The following VPS39 variants were observed in gnomAD, a reference collection of about 807,000 sequenced individuals.
VPS39 encodes vam6/Vps39-like protein.
VPS39 carries 70 observed loss-of-function variants against 121.0 expected under a neutral mutation model. The ratio of observed to expected loss-of-function variants is 0.58; its 90% CI spans 0.48 to 0.71. VPS39 has a LOEUF of 0.71. VPS39 is among the 30% of genes least tolerant of loss of function. The pLI, the probability that VPS39 is intolerant of heterozygous loss-of-function variation, is 0.00. For missense variants in VPS39, 818 were observed against 1,051.5 expected (o/e 0.78, Z 3.07); for synonymous variants, 378 against 398.1 (o/e 0.95, Z 0.60).
At chr15:42,183,022 C>T (rs927187237) in intron 8 of VPS39, among the ~76,000 whole-genome samples, 7 of 152,176 alleles carry the variant, frequency 4.6e-5, no homozygotes, top group Admixed American at 3.3e-4. Context: ...TTTTAAAATA[C>T]TGACCTTTTG....
rs779326920 is a variant in VPS39, at chr15:42,164,345, G to A, written c.2026+13C>T. ...TCGCTGAAGTGGCTTCTGGCCCTAA[G>A]CCAGACACTCACCATCAAAGGGAAA... is the stretch of plus-strand genomic sequence containing the variant. On this transcript the variant is annotated intron_variant, in intron 19 of 24. Coordinates refer to ENST00000318006, the MANE Select transcript of VPS39 (RefSeq NM_015289.5). 1.2e-6 allele frequency: 2 copies of A among 1,613,984 alleles called. No individual in the cohort carries two copies. Among genetic ancestry groups the A allele is most frequent in the South Asian group, 2.2e-5 (2 of 91,072 alleles).
At chr15:42,205,653 C>T (rs1595691794) in intron 1 of VPS39, among the ~76,000 whole-genome samples, 1 of 152,224 alleles carries the variant, frequency 6.6e-6, no homozygotes, top group African/African-American at 2.4e-5. Flanking sequence ...GATGTGATAC[C>T]ATGAGAGGGT....
rs2049145815 is a variant in VPS39, at chr15:42,162,337, T to C, written c.2320A>G (p.Thr774Ala). 1 of 1,610,668 alleles carries C rather than the reference T, an allele frequency of 6.2e-7. No homozygotes were observed. The highest frequency in any genetic ancestry group is 8.5e-7 in the Non-Finnish European group (1 of 1,177,914). Residue 774 changes from threonine (T) to alanine (A), a missense_variant, in exon 22 of 25, where the codon ACC (threonine) becomes GCC (alanine). Coordinates refer to ENST00000318006, the MANE Select transcript of VPS39 (RefSeq NM_015289.5). ...LELHHSKLDT[T>A]KALNLLPANT... is the part of the protein sequence containing the mutation. ...CCCTAGGAACAACTCCTGACCTTGG[T>C]GGTGTCCAGTTTGCTGTGGTGTAGC... is the stretch of plus-strand genomic sequence containing the variant.
chr15:42,187,697 C>A (rs1484468518), intron 6 of VPS39, 61 bp downstream of exon 6: 2 of 1,496,428 alleles, frequency 1.3e-6, no homozygotes, highest in African/African-American at 1.4e-5. Flanking sequence ...CTGAACTTCA[C>A]TAGAACCGAG....
intron 11 of VPS39, 57 bp downstream of exon 11, chr15:42,173,666 C>A: frequency 6.3e-7 from 1 of 1,583,722 alleles, no homozygotes; most frequent in Non-Finnish European, 8.6e-7. Flanking sequence ...TCTCCCCATA[C>A]TTTTCAGGCT....
chr15:42,177,152 G>C (rs2140856694), intron 10 of VPS39, among the ~76,000 whole-genome samples: 1 of 111,094 alleles, frequency 9.0e-6, no homozygotes, highest in African/African-American at 3.7e-5. Context: ...GACAGAGTGA[G>C]ACCCTGTTTT....
intron 17 of VPS39, chr15:42,165,359 A>G: frequency 1.8e-6 from 1 of 558,350 alleles, no homozygotes; most frequent in Middle Eastern, 4.8e-4. Context: ...TAATCCTCCA[A>G]ACTCTCATAG....
intron 21 of VPS39, 192 bp from the exon 22 acceptor site, chr15:42,162,673 T>C (rs2049155701): frequency 1.7e-6 from 1 of 584,400 alleles, no homozygotes; most frequent in Non-Finnish European, 2.6e-6. Flanking sequence ...AAGGATTGCT[T>C]TTTCCCTGAG....
intron 18 of VPS39, chr15:42,164,748 A>C (rs2049208230): frequency 7.0e-7 from 1 of 1,427,212 alleles, no homozygotes; most frequent in Admixed American, 2.9e-5. Flanking sequence ...CATCTTGCAG[A>C]CAGGTCTGTT....
rs199516643 is a variant in VPS39, at chr15:42,165,729, T to A, written c.1768A>T (p.Ile590Phe). The part of the protein sequence containing the change: ...FLIENFKGLA[I>F]PYLEHIIHVW... The stretch of plus-strand genomic sequence containing the variant: ...AAAAAATACCTTACCAGATAAGGAA[T>A]AGCCAGACCCTTAAAATTCTCTATT... The change falls in exon 17 of 25, where the codon ATT (isoleucine) becomes TTT (phenylalanine). Residue 590 changes from isoleucine (I) to phenylalanine (F), a missense_variant. Coordinates refer to ENST00000318006, the MANE Select transcript of VPS39 (RefSeq NM_015289.5). 6.2e-7 allele frequency: 1 copy of A among 1,614,074 alleles called. No individual in the cohort carries two copies. The highest frequency in any genetic ancestry group is 8.5e-7 in the Non-Finnish European group (1 of 1,179,942).
At chr15:42,193,927 A>G (rs566867386) in intron 2 of VPS39, among the ~76,000 whole-genome samples, 1 of 152,276 alleles carries the variant, frequency 6.6e-6, no homozygotes, top group African/African-American at 2.4e-5. Context: ...AAACAAAAAT[A>G]ATACTCCCTG....
Position 42,187,768 on chromosome 15 carries a change from T to G in VPS39, c.431A>C (p.His144Pro). The change falls in exon 6 of 25, where the codon CAT (histidine) becomes CCT (proline). Residue 144 changes from histidine (H) to proline (P), a missense_variant. His to Pro is a moderately conservative substitution (Grantham distance 77). Coordinates refer to ENST00000318006, the MANE Select transcript of VPS39 (RefSeq NM_015289.5). ...GAACAGTGGACTTACCTGCAATTCATGAAATTCCCTGTCCTTCCAGAAATA... is the reference window on the plus strand; with the variant it reads ...GAACAGTGGACTTACCTGCAATTCAGGAAATTCCCTGTCCTTCCAGAAATA... ...QLYFWKDREFHELQGDFSVPD... is the reference protein window; with the variant it reads ...QLYFWKDREFPELQGDFSVPD... 1 of 1,614,170 alleles carries G rather than the reference T, an allele frequency of 6.2e-7. No homozygotes were observed. The highest frequency in any genetic ancestry group is 8.5e-7 in the Non-Finnish European group (1 of 1,180,014).
At chr15:42,161,864 G>A (rs901588139) in intron 23 of VPS39, 91 bp from the exon 24 acceptor site, 68 of 1,591,078 alleles carry the variant, frequency 4.3e-5, no homozygotes, top group East Asian at 1.1e-4. Context: ...TCTTTCAGTC[G>A]TCACAGATTC....
At chr15:42,167,056 G>A (rs74412140) in intron 13 of VPS39, 143 bp from the exon 14 acceptor site, 36,548 of 1,155,582 alleles carry the variant, frequency 0.032, 697 homozygotes, top group Non-Finnish European at 0.037. Flanking sequence ...ACAGCAGGTA[G>A]AGGCTTTTAG....
At chr15:42,166,133 A>G (rs2049238034) in intron 16 of VPS39, 26 bp downstream of exon 16, 1 of 1,608,332 alleles carries the variant, frequency 6.2e-7, no homozygotes, top group African/African-American at 1.3e-5. Flanking sequence ...TTTACCAGAT[A>G]AATCCAAGGG....
At position 42,169,431 on chromosome 15, in the gene VPS39, A is replaced by T. The variant is rs2049304794; in HGVS notation, c.1233+293T>A. ...ATTACAAAAAGTTTGTTTTAAAAAAACTTGTATGCTTCTATCAACTAAAAT... is the reference window on the plus strand; with the variant it reads ...ATTACAAAAAGTTTGTTTTAAAAAATCTTGTATGCTTCTATCAACTAAAAT... On this transcript the variant is annotated intron_variant, in intron 12 of 24. Coordinates refer to ENST00000318006, the MANE Select transcript of VPS39 (RefSeq NM_015289.5). 2.0e-5 allele frequency among the ~76,000 whole-genome samples: 3 copies of T among 152,230 alleles called. No homozygotes were observed. The South Asian group carries it at 6.2e-4, about 32-fold the overall frequency.
intron 8 of VPS39, among the ~76,000 whole-genome samples, chr15:42,183,363 A>G (rs1290916557): frequency 6.6e-6 from 1 of 151,936 alleles, no homozygotes; most frequent in African/African-American, 2.4e-5. Flanking sequence ...CAGCCTCCCA[A>G]AGTGCTAGGA....
At chr15:42,168,374 T>C (rs1014218738) in intron 12 of VPS39, among the ~76,000 whole-genome samples, 1 of 152,048 alleles carries the variant, frequency 6.6e-6, no homozygotes. Context: ...GTGTAGGCAG[T>C]GGCAAGTTTG....
chr15:42,186,824 T>C (rs934534197), intron 7 of VPS39, among the ~76,000 whole-genome samples: 1 of 152,220 alleles, frequency 6.6e-6, no homozygotes, highest in African/African-American at 2.4e-5. Context: ...CACGTGGCTT[T>C]TGAAATTTAA....
Sources: gnomAD v4.1 joint callset for allele counts (sites outside exome capture counted in the v4.1 genomes callset) on GRCh38, gnomAD v4.1.1 for gene constraint, MANE v1.5 for transcripts, NCBI Gene and HGNC (gene_info 2026-07-23, HGNC 2026-07-21) for gene names.